The following SIK3 variants were observed in gnomAD, a reference collection of about 807,000 sequenced individuals.
The protein encoded by SIK3 is SIK family kinase 3.
SIK3 carries 28 observed loss-of-function variants against 144.2 expected under a neutral mutation model. The observed-to-expected ratio is 0.19, with a 90% CI of 0.14 to 0.27. SIK3 has a LOEUF of 0.27. Ranked by LOEUF, SIK3 falls within the 10% of genes least tolerant of loss-of-function variation. The pLI is 1.00. For missense variants in SIK3, 1,319 were observed against 1,776.0 expected (o/e 0.74, Z 4.62); for synonymous variants, 686 against 676.3 (o/e 1.01, Z -0.22).
chr11:116,931,912 G>C (rs1012439597), intron 3 of SIK3, among the ~76,000 whole-genome samples: 1 of 152,180 alleles, frequency 6.6e-6, no homozygotes, highest in Non-Finnish European at 1.5e-5. Flanking sequence ...TAGAGGAAGA[G>C]GGTTTGTCAT....
At chr11:116,927,114 C>T in intron 4 of SIK3, 105 bp downstream of exon 4, 4 of 743,802 alleles carry the variant, frequency 5.4e-6, no homozygotes, top group Non-Finnish European at 8.0e-6. Flanking sequence ...TCCTTACTTT[C>T]ACAATAGTTC....
chr11:117,012,956 A>G (rs1300029034), intron 1 of SIK3, among the ~76,000 whole-genome samples: 2 of 142,712 alleles, frequency 1.4e-5, no homozygotes, highest in Non-Finnish European at 3.0e-5. Context: ...GGTTCACACC[A>G]TTATCCTGCC....
intron 6 of SIK3, among the ~76,000 whole-genome samples, chr11:116,891,421 G>A (rs1451321074): frequency 6.6e-6 from 1 of 152,246 alleles, no homozygotes; most frequent in Non-Finnish European, 1.5e-5. Flanking sequence ...TTCGAGTTCA[G>A]TCTGGACAAA....
At chr11:116,871,434 T>C (rs1565389253) in intron 13 of SIK3, among the ~76,000 whole-genome samples, 1 of 152,212 alleles carries the variant, frequency 6.6e-6, no homozygotes, top group South Asian at 2.1e-4. Context: ...AGGAACGCTG[T>C]GGCCAGTGAC....
Position 116,849,027 on chromosome 11 carries a change from G to A in SIK3, c.3819+93C>T. On this transcript the variant is annotated intron_variant, in intron 22 of 24. Coordinates refer to ENST00000445177, the MANE Select transcript of SIK3 (RefSeq NM_001366686.3). The surrounding 1 kb of genome is among the most constrained non-coding windows in gnomAD (Gnocchi z 4.2). ...AAAGGCTGAATGCTGACTGAGGAGA[G>A]CGGCCAAGAGAGGCTACCCCACATC... is the stretch of plus-strand genomic sequence containing the variant. 7.3e-7 allele frequency: 1 copy of A among 1,365,544 alleles called. No homozygotes were observed. Among genetic ancestry groups the A allele is most frequent in the Non-Finnish European group, 9.8e-7 (1 of 1,019,580 alleles). The allele number at this position is 1,365,544 out of a possible 1,614,324, so 84.6% of individuals were successfully genotyped here. A position where few individuals can be genotyped will look rare whatever the true frequency, so the allele number is the denominator to read the frequency against.
chr11:116,906,570 G>A (rs576009285), intron 4 of SIK3, among the ~76,000 whole-genome samples: 31 of 152,238 alleles, frequency 2.0e-4, no homozygotes, highest in African/African-American at 6.7e-4. Flanking sequence ...GAGAAAGCGC[G>A]GCTAAAGGAA....
intron 1 of SIK3, among the ~76,000 whole-genome samples, chr11:116,966,557 T>C (rs1164943318): frequency 6.6e-6 from 1 of 152,212 alleles, no homozygotes. Context: ...TAAGTGCTTA[T>C]GCATAGAATT....
Position 116,874,033 on chromosome 11 carries a change from T to C in SIK3, c.1451A>G (p.Gln484Arg), listed in dbSNP as rs935058550. Residue 484 changes from glutamine to arginine, a missense_variant, in exon 12 of 25, where the codon CAG (glutamine) becomes CGG (arginine). Transcript: ENST00000445177. ...DPRTEVMEDL[Q>R]KLLPGFPGVN... Reference sequence around the variant, plus strand: ...TCCAGGAAAGCCAGGTAGGAGCTTCTGCAGATCTTCCATAACTTCCGTGCT... The same window carrying C: ...TCCAGGAAAGCCAGGTAGGAGCTTCCGCAGATCTTCCATAACTTCCGTGCT... 6.2e-7 allele frequency: 1 copy of C among 1,613,912 alleles called. No homozygotes were observed. Among genetic ancestry groups the C allele is most frequent in the East Asian group, 2.2e-5 (1 of 44,896 alleles).
At chr11:117,012,976 C>T (rs1300587388) in intron 1 of SIK3, among the ~76,000 whole-genome samples, 1 of 151,394 alleles carries the variant, frequency 6.6e-6, no homozygotes, top group Non-Finnish European at 1.5e-5. Flanking sequence ...CTCAGCCTCC[C>T]GAGTAGCTGG....
At chr11:116,905,437 C>T (rs1390612962) in intron 4 of SIK3, among the ~76,000 whole-genome samples, 3 of 152,098 alleles carry the variant, frequency 2.0e-5, no homozygotes, top group Non-Finnish European at 2.9e-5. Context: ...TTCTGTGTGG[C>T]CATATGGTTT....
At chr11:116,980,083 C>T (rs552698703) in intron 1 of SIK3, among the ~76,000 whole-genome samples, 9 of 152,206 alleles carry the variant, frequency 5.9e-5, no homozygotes, top group Non-Finnish European at 1.0e-4. Context: ...CTGTATTTTT[C>T]GCTGCAAATG....
At chr11:117,012,997 G>A (rs567140909) in intron 1 of SIK3, among the ~76,000 whole-genome samples, 26 of 151,472 alleles carry the variant, frequency 1.7e-4, no homozygotes, top group Non-Finnish European at 3.4e-4. Context: ...GACTACAAGC[G>A]CCCGCCATTT....
intron 1 of SIK3, among the ~76,000 whole-genome samples, chr11:116,983,890 C>G (rs1371124930): frequency 6.6e-6 from 1 of 151,640 alleles, no homozygotes; most frequent in South Asian, 2.1e-4. Flanking sequence ...CATGCGAAAT[C>G]CCATCTAAAA....
Position 117,032,058 on chromosome 11 carries a change from T to C in SIK3, c.273+66085A>G, listed in dbSNP as rs144907061. On this transcript the variant is annotated intron_variant, in intron 1 of 24. Transcript: ENST00000445177. ...TCTTTGGTCTATCCTTCTACCAATA[T>C]TACACAATCTTGATTACTGGAGCTA... 3.8e-3 allele frequency among the ~76,000 whole-genome samples: 585 copies of C among 152,330 alleles called. 2 individuals are homozygous for C. The highest frequency in any genetic ancestry group is 6.1e-3 in the Non-Finnish European group (418 of 68,024).
In SIK3 at chr11:117,013,905, G is replaced by GTGTGT. The variant is rs1555127056; in HGVS notation, c.274-56842_274-56841insACACA. Among the ~76,000 whole-genome samples, 442 of 47,304 alleles carry GTGTGT rather than the reference G, an allele frequency of 9.3e-3. 31 individuals carry two copies. Among genetic ancestry groups the GTGTGT allele is most frequent in the African/African-American group, 0.021 (321 of 14,976 alleles). The allele number at this position is 47,304 out of a possible 152,430, so 31.0% of individuals were successfully genotyped here. ...TATAAGTCTCCAGATTCTGAGGGGG[G>GTGTGT]GGGGGGGAGGGTGTGTGTGTGTGTG... On this transcript the variant is annotated intron_variant, in intron 1 of 24. Coordinates refer to ENST00000445177, the MANE Select transcript of SIK3 (RefSeq NM_001366686.3).
intron 4 of SIK3, among the ~76,000 whole-genome samples, chr11:116,912,073 T>C (rs1399410930): frequency 6.6e-6 from 1 of 152,226 alleles, no homozygotes; most frequent in African/African-American, 2.4e-5. Flanking sequence ...CAATATAATT[T>C]GTTAAGTTGC....
intron 1 of SIK3, among the ~76,000 whole-genome samples, chr11:117,056,010 T>C (rs374727632): frequency 6.6e-6 from 1 of 152,208 alleles, no homozygotes; most frequent in African/African-American, 2.4e-5. Context: ...TATTCTCCTA[T>C]AGCAGCACAA....
chr11:117,015,205 G>T (rs1326248743), intron 1 of SIK3, among the ~76,000 whole-genome samples: 1 of 152,084 alleles, frequency 6.6e-6, no homozygotes, highest in African/African-American at 2.4e-5. Flanking sequence ...TGCTCCTATT[G>T]TTAACCAGAG....
At chr11:117,011,511 A>G (rs2135681465) in intron 1 of SIK3, among the ~76,000 whole-genome samples, 1 of 148,758 alleles carries the variant, frequency 6.7e-6, no homozygotes, top group South Asian at 2.1e-4. Flanking sequence ...TACAGAAATT[A>G]AACGGAAATT....
Sources: gnomAD v4.1 joint callset for allele counts (sites outside exome capture counted in the v4.1 genomes callset) on GRCh38, gnomAD v4.1.1 for gene constraint, Gnocchi (gnomAD v3.1) non-coding constraint, MANE v1.5 for transcripts, NCBI Gene and HGNC (gene_info 2026-07-23, HGNC 2026-07-21) for gene names.